DENND4A: variants seen among roughly 807,000 people sequenced by gnomAD.
The protein encoded by DENND4A is C-myc promoter-binding protein.
DENND4A carries 70 observed loss-of-function variants against 199.3 expected under a neutral mutation model. The ratio of observed to expected loss-of-function variants is 0.35; its 90% confidence interval spans 0.29 to 0.43. The LOEUF (loss-of-function observed/expected upper bound fraction) is 0.43. Ranked by LOEUF, DENND4A falls within the 20% of genes least tolerant of loss-of-function variation. DENND4A has a pLI of 1.00. For missense variants in DENND4A, 1,723 were observed against 2,255.8 expected, an observed-to-expected ratio of 0.76 and a Z score of 4.78; for synonymous variants, 686 against 766.9, an observed-to-expected ratio of 0.89 and a Z score of 1.74.
intron 29 of DENND4A, 84 bp from the exon 30 acceptor site, chr15:65,665,546 T>C (rs2076007415): frequency 4.7e-6 from 5 of 1,058,932 alleles, no homozygotes; most frequent in Non-Finnish European, 6.6e-6. Context: ...TAAATATTTT[T>C]TAGGATGTAT....
At chr15:65,701,679 A>G in intron 18 of DENND4A, 83 bp downstream of exon 18, 1 of 1,291,122 alleles carries the variant, frequency 7.7e-7, no homozygotes. Flanking sequence ...ATGCCAAATA[A>G]CCCCCTGCAT....
intron 23 of DENND4A, among the ~76,000 whole-genome samples, chr15:65,689,785 G>C (rs1004172067): frequency 6.6e-6 from 1 of 152,098 alleles, no homozygotes; most frequent in Non-Finnish European, 1.5e-5. Context: ...CTTCAATTTT[G>C]TCTCTCTAAC....
intron 1 of DENND4A, among the ~76,000 whole-genome samples, chr15:65,789,260 C>T (rs941408209): frequency 6.6e-6 from 1 of 152,128 alleles, no homozygotes; most frequent in Non-Finnish European, 1.5e-5. Context: ...AATCATAACT[C>T]ACTGCAGTCT....
Position 65,660,841 on chromosome 15 carries a change from C to T in DENND4A, c.*1010G>A, listed in dbSNP as rs1461987983. On this transcript the variant is annotated 3_prime_UTR_variant, in exon 33 of 33. Transcript: ENST00000443035. ...TATATATAGTATTAACAGAATACCC[C>T]AGTAAGTCATATTTCAGATAAATAT... The T allele has an allele frequency of 6.6e-6, 1 of 151,986 alleles. No individual in the cohort carries two copies. Among genetic ancestry groups the T allele is most frequent in the African/African-American group, 2.4e-5 (1 of 41,360 alleles). 9.4% of individuals were successfully genotyped at this position (151,986 alleles called of 1,614,324 possible). A position where few individuals can be genotyped will look rare whatever the true frequency, so the allele number is the denominator to read the frequency against.
At chr15:65,701,001 T>C (rs1043340791) in intron 19 of DENND4A, 50 bp downstream of exon 19, 3 of 1,538,484 alleles carry the variant, frequency 1.9e-6, no homozygotes, top group East Asian at 2.3e-5. Context: ...ATGTAAACTG[T>C]AGCTAATCAA....
intron 23 of DENND4A, among the ~76,000 whole-genome samples, chr15:65,687,337 T>C (rs1338593323): frequency 6.6e-6 from 1 of 152,174 alleles, no homozygotes; most frequent in African/African-American, 2.4e-5. Context: ...TCTATGCATA[T>C]TTAAAATTCC....
intron 1 of DENND4A, chr15:65,771,502 G>C: frequency 6.2e-7 from 1 of 1,611,182 alleles, no homozygotes; most frequent in Non-Finnish European, 8.5e-7. Flanking sequence ...GAGGATTACA[G>C]ACCATCAACT....
At chr15:65,668,210 C>A (rs74718965) in intron 27 of DENND4A, 87 bp from the exon 28 acceptor site, 1 of 671,144 alleles carries the variant, frequency 1.5e-6, no homozygotes, top group African/African-American at 2.0e-5. Context: ...CTCTCTCTCT[C>A]TTTTTTTTTT....
At position 65,764,864 on chromosome 15, in the gene DENND4A, T is replaced by C. The variant is rs970146484; in HGVS notation, c.-101-3426A>G. Among the ~76,000 whole-genome samples, 8 of 149,820 alleles carry C rather than the reference T, an allele frequency of 5.3e-5. No homozygotes were observed. In the Admixed American group the frequency reaches 5.4e-4, roughly 10 times the overall value. On this transcript the variant is annotated intron_variant, in intron 1 of 32. Coordinates refer to ENST00000443035, the MANE Select transcript of DENND4A (RefSeq NM_001320835.1). The stretch of plus-strand genomic sequence containing the variant: ...AGTGTGCACTATAGTCCCAGCTACT[T>C]GGAAGGCTAAGGTCGGAGGATTGCT...
Position 65,760,889 on chromosome 15 carries a change from C to CA in DENND4A, c.-23+470dup, listed in dbSNP as rs902481974. Among the ~76,000 whole-genome samples the CA allele has an allele frequency of 2.8e-3, 413 of 148,438 alleles. 2 individuals are homozygous for CA. The highest frequency in any genetic ancestry group is 9.5e-3 in the African/African-American group (382 of 40,416). Reference sequence around the variant, plus strand: ...TGGGCAACAGAGGGAGGCTCTGTCTCAAAAAAAAAGCGGAAACAGAAGAGA... The same window carrying CA: ...TGGGCAACAGAGGGAGGCTCTGTCTCAAAAAAAAAAGCGGAAACAGAAGAGA... On this transcript the variant is annotated intron_variant, in intron 2 of 32. Transcript: ENST00000443035.
At chr15:65,664,773 A>G in intron 30 of DENND4A, 51 bp from the exon 31 acceptor site, 3 of 1,474,776 alleles carry the variant, frequency 2.0e-6, no homozygotes, top group East Asian at 2.3e-5. Flanking sequence ...TGTAGAAAGG[A>G]GAAAGAAATT....
At chr15:65,710,728 T>A (rs1361380295) in intron 14 of DENND4A, among the ~76,000 whole-genome samples, 1 of 152,260 alleles carries the variant, frequency 6.6e-6, no homozygotes, top group Non-Finnish European at 1.5e-5. Context: ...TATGTTGAAA[T>A]GTAATCCCCA....
chr15:65,748,064 G>A (rs200845752), intron 4 of DENND4A, among the ~76,000 whole-genome samples: 84 of 96,914 alleles, frequency 8.7e-4, no homozygotes, highest in Admixed American at 8.9e-4. Context: ...AAAAAAAAAA[G>A]GAAAAAAAAA....
At chr15:65,764,739 C>T (rs1051506473) in intron 1 of DENND4A, among the ~76,000 whole-genome samples, 22 of 151,752 alleles carry the variant, frequency 1.4e-4, no homozygotes, top group Admixed American at 7.2e-4. Flanking sequence ...TCTGGGAGAC[C>T]GAGGCAGAAG....
chr15:65,720,347 G>A (rs916892855), intron 12 of DENND4A, among the ~76,000 whole-genome samples: 1 of 151,646 alleles, frequency 6.6e-6, no homozygotes, highest in African/African-American at 2.4e-5. Flanking sequence ...TTTTGGAGGA[G>A]TTCTTATTGT....
In DENND4A at chr15:65,690,863, G is replaced by C. The variant is rs775655342; in HGVS notation, c.3731C>G (p.Ala1244Gly). 73 of 1,612,026 alleles carry C rather than the reference G, an allele frequency of 4.5e-5. No individual in the cohort carries two copies. The highest frequency in any genetic ancestry group is 5.8e-5 in the Non-Finnish European group (68 of 1,179,310). ...AATTTCTTCAGCTAAATCACGCCTAGCAGATGGTGTTGAAATGCTTTTGCT... is the reference window on the plus strand; with the variant it reads ...AATTTCTTCAGCTAAATCACGCCTACCAGATGGTGTTGAAATGCTTTTGCT... The part of the protein sequence containing the change: ...DDSKSISTPS[A>G]RRDLAEEIVM... The change falls in exon 23 of 33, where the codon GCT becomes GGT. Residue 1244 changes from alanine to glycine, a missense_variant. By Grantham distance (60) the Ala-to-Gly change is moderately conservative (BLOSUM62 0). Around this residue, in one of 6 missense-constraint regions of DENND4A, gnomAD observed 650 missense variants for 738.1 expected, o/e 0.88. Transcript: ENST00000443035.
chr15:65,774,802 A>G (rs1182597961), intron 1 of DENND4A, among the ~76,000 whole-genome samples: 1 of 150,630 alleles, frequency 6.6e-6, no homozygotes, highest in Non-Finnish European at 1.5e-5. Context: ...AGGCTTATAC[A>G]ATGTATTATT....
chr15:65,779,309 A>G (rs893463520), intron 1 of DENND4A, among the ~76,000 whole-genome samples: 4 of 151,706 alleles, frequency 2.6e-5, no homozygotes, highest in African/African-American at 9.7e-5. Context: ...TAGAAAAATT[A>G]GCCAGGCATG....
At chr15:65,772,771 GCA>G (rs1311995034) in intron 1 of DENND4A, among the ~76,000 whole-genome samples, 3 of 131,198 alleles carry the variant, frequency 2.3e-5, no homozygotes, top group Non-Finnish European at 4.7e-5. Context: ...TAGGGACCAA[GCA>G]CACAGATTGG....
Sources: allele counts gnomAD v4.1 joint callset (sites outside exome capture counted in the v4.1 genomes callset), GRCh38; gene constraint gnomAD v4.1.1; regional missense constraint gnomAD v4.1.1; transcripts MANE v1.5; gene names NCBI Gene and HGNC (gene_info 2026-07-23, HGNC 2026-07-21).